LRRC53: variants seen among roughly 807,000 people sequenced by gnomAD.
LRRC53 encodes the protein leucine-rich repeat-containing protein 53.
Under a neutral mutation model 13.6 loss-of-function variants are expected in LRRC53, and 25 were observed. The observed-to-expected ratio is 1.83, with a 90% CI of 1.34 to 2.56. The LOEUF (loss-of-function observed/expected upper bound fraction) is 2.56. Ranked by LOEUF, LRRC53 falls within the 30% of genes most tolerant of loss-of-function variation. The pLI, the probability that LRRC53 is intolerant of heterozygous loss-of-function variation, is 0.00. For synonymous variants in LRRC53, 204 were observed against 109.8 expected (o/e 1.86, Z -5.37); for missense variants, 527 against 275.8 (o/e 1.91, Z -6.45).
At chr1:74,502,976 G>T (rs761382584) in intron 1 of LRRC53, among the ~76,000 whole-genome samples, 1 of 152,198 alleles carries the variant, frequency 6.6e-6, no homozygotes, top group Non-Finnish European at 1.5e-5. Flanking sequence ...CTTAACTGAA[G>T]TGACACTTGT....
chr1:74,474,723 G>A lies in LRRC53; in HGVS notation c.1420+572C>T, dbSNP rs890495565. Among the ~76,000 whole-genome samples the A allele has an allele frequency of 1.9e-4, 29 of 152,040 alleles. No individual in the cohort carries two copies. In the South Asian group the frequency reaches 2.5e-3, roughly 13 times the overall value. On this transcript the variant is annotated intron_variant, in intron 4 of 4. Transcript: ENST00000294635. The stretch of plus-strand genomic sequence containing the variant: ...CCCATGTACAGTGGGTAGATGTCAC[G>A]GCCAGATTCACTTGGCTCCCAGTGT...
chr1:74,531,873 C>T, the LRRC53 span, among the ~76,000 whole-genome samples: 1 of 152,152 alleles, frequency 6.6e-6, no homozygotes, highest in Non-Finnish European at 1.5e-5. Context: ...TGACAGACGG[C>T]AATAAACCAC....
intron 4 of LRRC53, among the ~76,000 whole-genome samples, chr1:74,475,011 T>C (rs199680142): frequency 8.2e-4 from 117 of 142,780 alleles, no homozygotes; most frequent in African/African-American, 2.8e-3. Context: ...CTACTTTTTT[T>C]CTTTTTTTAA....
At position 74,472,218 on chromosome 1, in the gene LRRC53, G is replaced by A. The variant is rs1667971354; in HGVS notation, c.1421-17C>T. The A allele has an allele frequency of 4.2e-6, 3 of 715,648 alleles. No individual in the cohort carries two copies. The East Asian group carries it at 8.1e-5, about 19-fold the overall frequency. 44.3% of individuals were successfully genotyped at this position (715,648 alleles called of 1,614,324 possible). ...TGCTGATATCTGTGGAACAATAAATGCAAGAATTTAGCACTTAGCAGAGTT... is the reference window on the plus strand; with the variant it reads ...TGCTGATATCTGTGGAACAATAAATACAAGAATTTAGCACTTAGCAGAGTT... On this transcript the variant is annotated splice_polypyrimidine_tract_variant and intron_variant, in intron 4 of 4. Transcript: ENST00000294635.
At chr1:74,535,999 T>G in the LRRC53 span, among the ~76,000 whole-genome samples, 78,651 of 151,936 alleles carry the variant, frequency 0.52, 21,645 homozygotes, top group East Asian at 0.73. Context: ...CTTTTCTTAA[T>G]GTATCCATGG....
chr1:74,524,686 A>C, the LRRC53 span, among the ~76,000 whole-genome samples: 1 of 152,184 alleles, frequency 6.6e-6, no homozygotes, highest in African/African-American at 2.4e-5. Flanking sequence ...TAAAACACAG[A>C]AAATAATCTC....
Position 74,480,223 on chromosome 1 carries a change from C to G in LRRC53, c.834G>C (p.Leu278=), listed in dbSNP as rs771256280. Residue 278 remains leucine, a synonymous_variant, in exon 3 of 5, where the codon CTG becomes CTC. Coordinates refer to ENST00000294635, the MANE Select transcript of LRRC53 (RefSeq NM_001382280.1). Reference sequence around the variant, plus strand: ...GGAGGGGACTTCTGTCCTTTAGAACCAGAGTGAAGTTGGGAGCTTTGGAAT... The same window carrying G: ...GGAGGGGACTTCTGTCCTTTAGAACGAGAGTGAAGTTGGGAGCTTTGGAAT... ...NCDSKAPNFT[L]VLKDRSPLLP... 1.3e-5 allele frequency: 9 copies of G among 717,498 alleles called. No individual in the cohort carries two copies. In the South Asian group the frequency reaches 1.3e-4, roughly 11 times the overall value. The allele number at this position is 717,498 out of a possible 1,614,324, so 44.4% of individuals were successfully genotyped here.
chr1:74,492,094 C>A (rs1669108160), intron 1 of LRRC53: 1 of 1,552,800 alleles, frequency 6.4e-7, no homozygotes, highest in Non-Finnish European at 8.8e-7. Context: ...CTCCTCCACT[C>A]AGCTGATGTC....
intron 1 of LRRC53, among the ~76,000 whole-genome samples, chr1:74,485,129 A>G (rs1226299626): frequency 2.6e-5 from 4 of 152,208 alleles, no homozygotes; most frequent in Admixed American, 2.6e-4. Context: ...ACATGTAAAT[A>G]CCTATCTATA....
upstream of LRRC53, among the ~76,000 whole-genome samples, chr1:74,512,825 A>C (rs1670294848): frequency 6.6e-6 from 1 of 152,132 alleles, no homozygotes; most frequent in South Asian, 2.1e-4. Context: ...TATTCTTCAA[A>C]ATGGGCACCC....
In LRRC53 at chr1:74,507,001, A is replaced by T. The variant is rs75266967; in HGVS notation, c.-27+5525T>A. The stretch of plus-strand genomic sequence containing the variant: ...TATTAAATAATTTCATATCTGTAAT[A>T]CCAATTGACAAGGTTCATTAAACTA... On this transcript the variant is annotated intron_variant, in intron 1 of 4. Transcript: ENST00000294635. Among the ~76,000 whole-genome samples the T allele has an allele frequency of 8.5e-5, 13 of 152,300 alleles. No individual in the cohort carries two copies. In the East Asian group the frequency reaches 2.5e-3, roughly 29 times the overall value.
At position 74,471,535 on chromosome 1, in the gene LRRC53, C is replaced by T. The variant is rs1319692805; in HGVS notation, c.2087G>A (p.Trp696Ter). The change falls in exon 5 of 5, where the codon TGG becomes TAG. Residue 696 changes from tryptophan (W) to a stop codon, truncating the protein, a stop_gained. Transcript: ENST00000294635. LOFTEE classifies it low-confidence loss of function (END_TRUNC). ...NKGEKWFTNS[W>*]VLKRKRTPQS... ...AGGGGTTCTCTTCCTTTTCAGAACCCATGAATTAGTAAACCATTTTTCTCC... is the reference window on the plus strand; with the variant it reads ...AGGGGTTCTCTTCCTTTTCAGAACCTATGAATTAGTAAACCATTTTTCTCC... 2.5e-6 allele frequency: 1 copy of T among 400,470 alleles called. No individual in the cohort carries two copies. The highest frequency in any genetic ancestry group is 3.6e-5 in the East Asian group (1 of 28,074). 24.8% of individuals were successfully genotyped at this position (400,470 alleles called of 1,614,324 possible). A position where few individuals can be genotyped will look rare whatever the true frequency, so the allele number is the denominator to read the frequency against.
chr1:74,513,940 T>A (rs1413527122), upstream of LRRC53, among the ~76,000 whole-genome samples: 1 of 152,190 alleles, frequency 6.6e-6, no homozygotes, highest in East Asian at 1.9e-4. Flanking sequence ...TTCTATAGAC[T>A]AAGGGGAGTA....
rs1167058081 is a variant in LRRC53, at chr1:74,483,297, T to A, written c.53A>T (p.Asp18Val). The change falls in exon 2 of 5, where the codon GAT (aspartate) becomes GTT (valine). Residue 18 changes from aspartate (D) to valine (V), a missense_variant. Physicochemically the swap from Asp to Val is radical, Grantham distance 152. Coordinates refer to ENST00000294635, the MANE Select transcript of LRRC53 (RefSeq NM_001382280.1). ...GGTTAGCTGGTGACAGAGGGTTACA[T>A]CTTTGGTGCACACCACACATGACTC... ...CPESCVVCTK[D>V]VTLCHQLTYI... 11 of 717,430 alleles carry A rather than the reference T, an allele frequency of 1.5e-5. No homozygotes were observed. The Admixed American group carries it at 2.0e-4, about 13-fold the overall frequency. The allele number at this position is 717,430 out of a possible 1,614,324, so 44.4% of individuals were successfully genotyped here. A position where few individuals can be genotyped will look rare whatever the true frequency, so the allele number is the denominator to read the frequency against.
intron 1 of LRRC53, among the ~76,000 whole-genome samples, chr1:74,507,225 C>CCCG (rs1553153840): frequency 8.1e-6 from 1 of 124,148 alleles, no homozygotes; most frequent in Non-Finnish European, 1.7e-5. Context: ...ATTTCTTCAC[C>CCCG]CCCCCCCCAT....
At chr1:74,477,166 A>G (rs182911257) in intron 3 of LRRC53, among the ~76,000 whole-genome samples, 76 of 152,276 alleles carry the variant, frequency 5.0e-4, no homozygotes, top group African/African-American at 1.8e-3. Flanking sequence ...AATGTTAAAG[A>G]ATATATTAAA....
chr1:74,489,346 G>A, intron 1 of LRRC53: 8 of 1,239,730 alleles, frequency 6.5e-6, no homozygotes, highest in Non-Finnish European at 7.9e-6. Context: ...AAAAGTTACT[G>A]TGAGGACCCA....
chr1:74,490,865 T>C (rs1669034025), intron 1 of LRRC53, among the ~76,000 whole-genome samples: 1 of 152,154 alleles, frequency 6.6e-6, no homozygotes, highest in South Asian at 2.1e-4. Context: ...TACATATAAA[T>C]ATAATGTCCT....
Position 74,496,598 on chromosome 1 carries a change from A to G in LRRC53, c.-26-13223T>C, listed in dbSNP as rs1391839334. 2.6e-5 allele frequency among the ~76,000 whole-genome samples: 4 copies of G among 151,948 alleles called. No individual in the cohort carries two copies. The East Asian group carries it at 7.7e-4, about 29-fold the overall frequency. ...TTTTATGGGGTTTTTGGTTGTTTGT[A>G]TATTTGTTTCTAATTATTATTATTC... On this transcript the variant is annotated intron_variant, in intron 1 of 4. Coordinates refer to ENST00000294635, the MANE Select transcript of LRRC53 (RefSeq NM_001382280.1).
Sources: gnomAD v4.1 joint callset for allele counts (sites outside exome capture counted in the v4.1 genomes callset) on GRCh38, gnomAD v4.1.1 for gene constraint, MANE v1.5 for transcripts, NCBI Gene and HGNC (gene_info 2026-07-23, HGNC 2026-07-21) for gene names.